Variants in COMMD10 observed in about 807,000 individuals in gnomAD.
COMMD10 encodes the protein COMM domain-containing protein 10.
COMMD10 carries 33 observed loss-of-function variants against 28.9 expected under a neutral mutation model. The observed-to-expected ratio is 1.14, with a 90% CI of 0.87 to 1.53. The LOEUF (loss-of-function observed/expected upper bound fraction) is 1.53, where lower values mean the gene tolerates loss of function less well. COMMD10 is among the 40% of genes most tolerant of loss of function. COMMD10 has a pLI of 0.00. For synonymous variants in COMMD10, 110 were observed against 81.7 expected (o/e 1.35, Z -1.87); for missense variants, 310 against 233.4 (o/e 1.33, Z -2.14).
chr5:116,183,858 A>G (rs1335930781), intron 5 of COMMD10, among the ~76,000 whole-genome samples: 3 of 152,178 alleles, frequency 2.0e-5, no homozygotes, highest in Non-Finnish European at 4.4e-5. Flanking sequence ...ATACGTGAAT[A>G]GAATTAGTGC....
chr5:116,259,094 G>T (rs1412418654), intron 5 of COMMD10, among the ~76,000 whole-genome samples: 3 of 125,334 alleles, frequency 2.4e-5, no homozygotes, highest in Admixed American at 9.3e-5. Context: ...TGAGAGTCTC[G>T]CTTTCTCACC....
At chr5:116,195,545 A>T (rs1003177480) in intron 5 of COMMD10, among the ~76,000 whole-genome samples, 25 of 152,156 alleles carry the variant, frequency 1.6e-4, no homozygotes, top group Admixed American at 5.2e-4. Flanking sequence ...TCAAGAACTC[A>T]ACCCCTTTTA....
At chr5:116,268,433 T>C (rs1377408700) in intron 5 of COMMD10, among the ~76,000 whole-genome samples, 1 of 151,786 alleles carries the variant, frequency 6.6e-6, no homozygotes, top group African/African-American at 2.4e-5. Flanking sequence ...ATGGCAATCA[T>C]TAAAAAGTCA....
chr5:116,208,842 T>A (rs1211584477), intron 5 of COMMD10, among the ~76,000 whole-genome samples: 1 of 152,204 alleles, frequency 6.6e-6, no homozygotes, highest in Non-Finnish European at 1.5e-5. Context: ...AAGGGTTACC[T>A]CATTTATTCT....
At chr5:116,256,415 G>A (rs1750287890) in intron 5 of COMMD10, among the ~76,000 whole-genome samples, 1 of 151,678 alleles carries the variant, frequency 6.6e-6, no homozygotes, top group African/African-American at 2.4e-5. Context: ...ATAATAGACT[G>A]TAACTCCTTG....
chr5:116,214,137 A>AC (rs959714273), intron 5 of COMMD10, among the ~76,000 whole-genome samples: 1 of 152,116 alleles, frequency 6.6e-6, no homozygotes, highest in Non-Finnish European at 1.5e-5. Flanking sequence ...TTGTCTTTAA[A>AC]CCTTTAGCTG....
At chr5:116,236,354 A>G (rs1161306142) in intron 5 of COMMD10, among the ~76,000 whole-genome samples, 1 of 151,988 alleles carries the variant, frequency 6.6e-6, no homozygotes, top group African/African-American at 2.4e-5. Context: ...AAGTACAAAA[A>G]TTAGCTGGTC....
At chr5:116,119,896 G>A (rs1330948406) in intron 4 of COMMD10, among the ~76,000 whole-genome samples, 7 of 152,174 alleles carry the variant, frequency 4.6e-5, no homozygotes, top group East Asian at 3.9e-4. Context: ...CTAGGATTAC[G>A]GGTGTGAGTC....
At chr5:116,275,928 G>A (rs1376026048) in intron 5 of COMMD10, among the ~76,000 whole-genome samples, 2 of 150,034 alleles carry the variant, frequency 1.3e-5, no homozygotes, top group Non-Finnish European at 3.0e-5. Context: ...CTTTTAGAGG[G>A]AAAGTAAAGA....
chr5:116,137,734 A>G (rs889848962), intron 5 of COMMD10, among the ~76,000 whole-genome samples: 3 of 151,960 alleles, frequency 2.0e-5, no homozygotes, highest in Non-Finnish European at 4.4e-5. Context: ...ATCACACTGG[A>G]TAACACTGTT....
At chr5:116,172,609 A>G (rs10478292) in intron 5 of COMMD10, among the ~76,000 whole-genome samples, 47,368 of 151,946 alleles carry the variant, frequency 0.31, 10,355 homozygotes, top group African/African-American at 0.63. Flanking sequence ...AGAAAACAGA[A>G]CTGAGTTCCT....
At chr5:116,142,970 T>C (rs1489336634) in intron 5 of COMMD10, among the ~76,000 whole-genome samples, 1 of 151,616 alleles carries the variant, frequency 6.6e-6, no homozygotes, top group Non-Finnish European at 1.5e-5. Context: ...TCCTTTTTCA[T>C]TGTGATCAAT....
intron 5 of COMMD10, among the ~76,000 whole-genome samples, chr5:116,253,674 TG>T (rs1276528612): frequency 1.4e-5 from 2 of 146,984 alleles, no homozygotes; most frequent in Non-Finnish European, 3.0e-5. Context: ...ATAAGCTTTT[TG>T]ATGTGCTGCT....
At chr5:116,249,290 T>A (rs1182013618) in intron 5 of COMMD10, among the ~76,000 whole-genome samples, 1 of 152,068 alleles carries the variant, frequency 6.6e-6, no homozygotes, top group African/African-American at 2.4e-5. Flanking sequence ...CAGTGATTAT[T>A]GTAGATAAGT....
intron 1 of COMMD10, among the ~76,000 whole-genome samples, chr5:116,086,731 AT>A (rs1482909327): frequency 6.6e-6 from 1 of 152,090 alleles, no homozygotes; most frequent in African/African-American, 2.4e-5. Flanking sequence ...AAGTGCTGGG[AT>A]TATAGGGGTG....
chr5:116,272,559 G>C (rs1329894739), intron 5 of COMMD10, among the ~76,000 whole-genome samples: 1 of 151,834 alleles, frequency 6.6e-6, no homozygotes, highest in South Asian at 2.1e-4. Context: ...GCCTTTGCTC[G>C]TGACTGGACC....
chr5:116,235,794 T>A (rs920657193), intron 5 of COMMD10, among the ~76,000 whole-genome samples: 15 of 152,180 alleles, frequency 9.9e-5, no homozygotes, highest in African/African-American at 3.4e-4. Context: ...TTCTTCTTTA[T>A]CTTCGATGGA....
Position 116,280,787 on chromosome 5 carries a change from A to G in COMMD10, c.511-10730A>G, listed in dbSNP as rs372901333. 7.0e-4 allele frequency among the ~76,000 whole-genome samples: 106 copies of G among 152,002 alleles called. 2 individuals carry two copies. In the South Asian group the frequency reaches 0.019, roughly 27 times the overall value. ...CAAATAATAATAGAGATATTGGAAT[A>G]TGTTTACAATCATCTATAATTATAT... On this transcript the variant is annotated intron_variant, in intron 5 of 6. Coordinates refer to ENST00000274458, the MANE Select transcript of COMMD10 (RefSeq NM_016144.4).
intron 5 of COMMD10, among the ~76,000 whole-genome samples, chr5:116,280,290 T>C (rs1751037582): frequency 6.6e-6 from 1 of 151,802 alleles, no homozygotes; most frequent in African/African-American, 2.4e-5. Context: ...CACAGAAAAG[T>C]AGAAATTTAT....
Sources: gnomAD v4.1 joint callset for allele counts (sites outside exome capture counted in the v4.1 genomes callset) on GRCh38, gnomAD v4.1.1 for gene constraint, MANE v1.5 for transcripts, NCBI Gene and HGNC (gene_info 2026-07-23, HGNC 2026-07-21) for gene names.